FOXJ2: variants seen among roughly 807,000 people sequenced by gnomAD.
FOXJ2 encodes the protein forkhead box protein J2.
In FOXJ2, 18 loss-of-function variants were observed where a neutral mutation model predicts 68.4. The observed-to-expected ratio is 0.26, with a 90% CI of 0.18 to 0.39. FOXJ2 has a LOEUF of 0.39. Ranked by LOEUF, FOXJ2 falls within the 10% of genes least tolerant of loss-of-function variation. The pLI is 1.00. For missense variants in FOXJ2, 670 were observed against 726.5 expected, an observed-to-expected ratio of 0.92 and a Z score of 0.89; for synonymous variants, 274 against 263.2, an observed-to-expected ratio of 1.04 and a Z score of -0.40.
chr12:8,047,404 G>T (rs1035261419), intron 6 of FOXJ2, among the ~76,000 whole-genome samples: 1 of 151,998 alleles, frequency 6.6e-6, no homozygotes, highest in African/African-American at 2.4e-5. Context: ...AGCCGAGATC[G>T]CACCATTGCA....
In FOXJ2 at chr12:8,038,748, C is replaced by A. The variant is rs756619960; in HGVS notation, c.-14-1071C>A. On this transcript the variant is annotated intron_variant, in intron 1 of 10. Coordinates refer to ENST00000162391, the MANE Select transcript of FOXJ2 (RefSeq NM_018416.3). This position sits in a 1 kb window ranked among gnomAD's most constrained non-coding sequence, Gnocchi z 5.3. ...TATACCTCTCTGCTGGCAAGAGTGC[C>A]CAGGCAGTGTGGGTGGCAGCAGGGC... 1.2e-3 allele frequency among the ~76,000 whole-genome samples: 179 copies of A among 152,316 alleles called. No homozygotes were observed. The highest frequency in any genetic ancestry group is 4.2e-3 in the African/African-American group (176 of 41,572).
intron 3 of FOXJ2, 149 bp downstream of exon 3, chr12:8,042,881 G>A (rs1946983403): frequency 4.3e-6 from 3 of 705,604 alleles, no homozygotes; most frequent in Non-Finnish European, 7.1e-6. Context: ...GAGGAAGCTT[G>A]GTTGTCAAGC....
chr12:8,050,481 C>T (rs747822216), intron 9 of FOXJ2, 41 bp from the exon 10 acceptor site: 40 of 1,598,148 alleles, frequency 2.5e-5, no homozygotes, highest in Middle Eastern at 1.7e-4. Context: ...TACAGTGACC[C>T]GCCCCCCCCA....
intron 1 of FOXJ2, among the ~76,000 whole-genome samples, chr12:8,034,091 C>T (rs1946867821): frequency 6.6e-6 from 1 of 152,162 alleles, no homozygotes; most frequent in Admixed American, 6.5e-5. Flanking sequence ...TGGATGTTTT[C>T]ATGCTGAGGA....
At chr12:8,049,643 A>G in intron 9 of FOXJ2, 72 bp downstream of exon 9, 3 of 1,387,568 alleles carry the variant, frequency 2.2e-6, no homozygotes, top group African/African-American at 1.5e-5. Context: ...AAGGCAAAAG[A>G]GAACTGAGAG....
chr12:8,037,116 A>G (rs371507774), intron 1 of FOXJ2, among the ~76,000 whole-genome samples: 9 of 152,058 alleles, frequency 5.9e-5, no homozygotes, highest in African/African-American at 2.2e-4. Context: ...ACAAAACAAA[A>G]ACAAAAAACA....
chr12:8,051,136 T>C (rs1947120899), intron 10 of FOXJ2, among the ~76,000 whole-genome samples: 1 of 52,618 alleles, frequency 1.9e-5, no homozygotes, highest in Non-Finnish European at 4.2e-5. Context: ...CCCTTCCCCT[T>C]TTCTTTTCTT....
rs770078373 is a variant in FOXJ2 at position 8,050,612 on chromosome 12, A to G, written c.1628A>G (p.Asn543Ser). 5.0e-6 allele frequency: 8 copies of G among 1,613,932 alleles called. No homozygotes were observed. The South Asian group carries it at 7.7e-5, about 16-fold the overall frequency. Residue 543 changes from asparagine (N) to serine (S), a missense_variant, in exon 10 of 11, where the codon AAT (asparagine) becomes AGT (serine). By Grantham distance (46) the Asn-to-Ser change is conservative. Coordinates refer to ENST00000162391, the MANE Select transcript of FOXJ2 (RefSeq NM_018416.3). The stretch of plus-strand genomic sequence containing the variant: ...CCCACCCAGGACTCAGCAGGATACA[A>G]TCGCCCAGGTAAGAGCTAAGAAGCT... ...PIPTQDSAGY[N>S]RPAHHMVPRP...
At chr12:8,052,488 G>C (rs988814732) in intron 10 of FOXJ2, among the ~76,000 whole-genome samples, 5 of 152,246 alleles carry the variant, frequency 3.3e-5, no homozygotes, top group Non-Finnish European at 5.9e-5. Context: ...AAAGTGCTGG[G>C]ATAACAAGTG....
At chr12:8,049,712 T>A (rs1947089662) in intron 9 of FOXJ2, 141 bp downstream of exon 9, 1 of 693,286 alleles carries the variant, frequency 1.4e-6, no homozygotes, top group Non-Finnish European at 2.3e-6. Flanking sequence ...ATCAGTTGAC[T>A]GAATATCTGT....
rs1946856976 is a variant in FOXJ2, at chr12:8,033,150, C to T, written c.-698C>T. 2 of 339,400 alleles carry T rather than the reference C, an allele frequency of 5.9e-6. No homozygotes were observed. The highest frequency in any genetic ancestry group is 1.5e-4 in the South Asian group (1 of 6,518). The allele number at this position is 339,400 out of a possible 1,614,324, so 21.0% of individuals were successfully genotyped here. ...ACCCCTGTACTGGCCGGGGAGGAGA[C>T]CCCCAGAAGTGGAAAGAAGGGAGCT... On this transcript the variant is annotated 5_prime_UTR_variant, in exon 1 of 11. Transcript: ENST00000162391.
chr12:8,048,874 G>T (rs1947077376), intron 8 of FOXJ2, 76 bp downstream of exon 8: 2 of 1,224,780 alleles, frequency 1.6e-6, no homozygotes, highest in Non-Finnish European at 2.4e-6. Flanking sequence ...ACCGGAAGGG[G>T]GTGGTTAAAT....
chr12:8,039,762 A>G, intron 1 of FOXJ2, 57 bp from the exon 2 acceptor site: 2 of 1,405,882 alleles, frequency 1.4e-6, no homozygotes, highest in Non-Finnish European at 1.9e-6. Flanking sequence ...CTCAAACAAA[A>G]GGATTTGAGT....
In FOXJ2 at chr12:8,040,524, C is replaced by A. The variant is rs1477185040; in HGVS notation, c.333+359C>A. Among the ~76,000 whole-genome samples, 1 of 151,870 alleles carries A rather than the reference C, an allele frequency of 6.6e-6. No homozygotes were observed. The highest frequency in any genetic ancestry group is 1.5e-5 in the Non-Finnish European group (1 of 67,986). On this transcript the variant is annotated intron_variant, in intron 2 of 10. Coordinates refer to ENST00000162391, the MANE Select transcript of FOXJ2 (RefSeq NM_018416.3). This position sits in a 1 kb window ranked among gnomAD's most constrained non-coding sequence, Gnocchi z 4.0. ...GCAACTTCCACCTCCCAGGTTCAAG[C>A]GATTTTCCTGCCTCAGCTTCCTGAG...
At chr12:8,043,031 C>T (rs1002581406) in intron 3 of FOXJ2, among the ~76,000 whole-genome samples, 1 of 151,910 alleles carries the variant, frequency 6.6e-6, no homozygotes, top group South Asian at 2.1e-4. Context: ...GCCTAGTCAA[C>T]ATGGTGAAAC....
intron 9 of FOXJ2, 26 bp from the exon 10 acceptor site, chr12:8,050,496 A>T: frequency 6.3e-7 from 1 of 1,599,896 alleles, no homozygotes; most frequent in Non-Finnish European, 8.5e-7. Flanking sequence ...CCCCCAACTC[A>T]AGTAACTCTT....
Position 8,048,266 on chromosome 12 carries a change from C to T in FOXJ2, c.1202C>T (p.Ala401Val), listed in dbSNP as rs376942032. The stretch of plus-strand genomic sequence containing the variant: ...CCACAGCCACAGGCACAAGGCCAGG[C>T]TCCCATCAACAACACTGGCTTTGGT... ...PPPQPQAQGQ[A>V]PINNTGFAFP... The change falls in exon 7 of 11, where the codon GCT (alanine) becomes GTT (valine). Residue 401 changes from alanine (A) to valine (V), a missense_variant. By Grantham distance (64) the Ala-to-Val change is moderately conservative. Transcript: ENST00000162391. The T allele has an allele frequency of 6.3e-7, 1 of 1,578,992 alleles. No individual in the cohort carries two copies. The highest frequency in any genetic ancestry group is 1.8e-5 in the Admixed American group (1 of 55,060).
chr12:8,034,708 A>G (rs769503637), intron 1 of FOXJ2, among the ~76,000 whole-genome samples: 1 of 152,328 alleles, frequency 6.6e-6, no homozygotes, highest in East Asian at 1.9e-4. Flanking sequence ...ACTTCTGAGG[A>G]GTATATAAAG....
At chr12:8,048,378 G>T in intron 7 of FOXJ2, 89 bp downstream of exon 7, 2 of 1,494,262 alleles carry the variant, frequency 1.3e-6, no homozygotes. Flanking sequence ...TAGTTAGGAA[G>T]TTAATGATGG....
Sources: gnomAD v4.1 joint callset for allele counts (sites outside exome capture counted in the v4.1 genomes callset) on GRCh38, gnomAD v4.1.1 for gene constraint, Gnocchi (gnomAD v3.1) non-coding constraint, MANE v1.5 for transcripts, NCBI Gene and HGNC (gene_info 2026-07-23, HGNC 2026-07-21) for gene names.